Variants in PXYLP1 observed in about 807,000 individuals in gnomAD.
PXYLP1 encodes the protein 2-phosphoxylose phosphatase 1.
In PXYLP1, 17 loss-of-function variants were observed where a neutral mutation model predicts 37.9. That is an observed-to-expected ratio of 0.45 (90% CI 0.31 to 0.67). PXYLP1 has a LOEUF of 0.67. Among genes scored for constraint, PXYLP1 ranks in the 30% least tolerant of loss-of-function variants. The pLI, the probability that PXYLP1 is intolerant of heterozygous loss-of-function variation, is 0.07. For missense variants in PXYLP1, 511 were observed against 612.0 expected (o/e 0.84, Z 1.74); for synonymous variants, 221 against 232.2 (o/e 0.95, Z 0.44).
At chr3:141,233,251 A>G (rs371812371) in intron 1 of PXYLP1, among the ~76,000 whole-genome samples, 21 of 152,254 alleles carry the variant, frequency 1.4e-4, no homozygotes, top group East Asian at 1.4e-3. Flanking sequence ...GCGGATCACC[A>G]GAGGTCGGGA....
At chr3:141,272,870 C>T (rs1242419217) in intron 2 of PXYLP1, 8 of 664,104 alleles carry the variant, frequency 1.2e-5, no homozygotes, top group Non-Finnish European at 1.5e-5. Flanking sequence ...TTTCCCAGCC[C>T]ACTGACTCAA....
intron 2 of PXYLP1, among the ~76,000 whole-genome samples, chr3:141,270,391 G>A (rs1304382447): frequency 6.6e-6 from 1 of 152,236 alleles, no homozygotes; most frequent in Admixed American, 6.5e-5. Context: ...ACGATGAGAG[G>A]CAGATAACAA....
intron 4 of PXYLP1, among the ~76,000 whole-genome samples, chr3:141,283,028 A>G (rs1423153687): frequency 6.6e-6 from 1 of 151,844 alleles, no homozygotes; most frequent in Non-Finnish European, 1.5e-5. Flanking sequence ...GTGCAATGGC[A>G]TGAACTTGGC....
At chr3:141,256,367 A>G (rs1941262625) in intron 1 of PXYLP1, among the ~76,000 whole-genome samples, 1 of 152,180 alleles carries the variant, frequency 6.6e-6, no homozygotes, top group Non-Finnish European at 1.5e-5. Flanking sequence ...TAGGAATTGA[A>G]CACAGATCTG....
chr3:141,267,245 T>G (rs1053896687), intron 2 of PXYLP1: 1 of 152,190 alleles, frequency 6.6e-6, no homozygotes, highest in African/African-American at 2.4e-5. Context: ...TGTTTGAATG[T>G]GGGGATGCGT....
intron 1 of PXYLP1, among the ~76,000 whole-genome samples, chr3:141,244,820 C>T (rs1940897351): frequency 6.6e-6 from 1 of 151,678 alleles, no homozygotes. Context: ...GGCGGTAACA[C>T]TTTTGTAGGA....
At chr3:141,249,158 AC>A (rs1480590964) in intron 1 of PXYLP1, among the ~76,000 whole-genome samples, 1 of 152,214 alleles carries the variant, frequency 6.6e-6, no homozygotes, top group Non-Finnish European at 1.5e-5. Context: ...GCCCACTGGC[AC>A]TGGCAGTGAT....
chr3:141,254,257 T>A (rs1052868905), intron 1 of PXYLP1, among the ~76,000 whole-genome samples: 14 of 152,184 alleles, frequency 9.2e-5, no homozygotes, highest in Admixed American at 8.5e-4. Context: ...GTATCGTTTC[T>A]CCCATAAATA....
At chr3:141,264,850 A>G (rs1289719088) in intron 2 of PXYLP1, among the ~76,000 whole-genome samples, 1 of 152,270 alleles carries the variant, frequency 6.6e-6, no homozygotes, top group African/African-American at 2.4e-5. Flanking sequence ...CAAAGGATTC[A>G]GCAAACTAAT....
intron 4 of PXYLP1, among the ~76,000 whole-genome samples, chr3:141,286,005 C>T (rs937446676): frequency 1.3e-5 from 2 of 151,960 alleles, no homozygotes; most frequent in Non-Finnish European, 2.9e-5. Context: ...CCCATTTTGG[C>T]AGCCATTTTT....
At chr3:141,265,332 C>T (rs1171033762) in intron 2 of PXYLP1, among the ~76,000 whole-genome samples, 12 of 140,120 alleles carry the variant, frequency 8.6e-5, no homozygotes, top group Non-Finnish European at 1.8e-4. Context: ...AATGCATGTT[C>T]CAAAACCAAA....
chr3:141,249,093 C>A (rs1216030615), intron 1 of PXYLP1, among the ~76,000 whole-genome samples: 3 of 151,870 alleles, frequency 2.0e-5, no homozygotes, highest in Non-Finnish European at 4.4e-5. Context: ...TGTCAACCTC[C>A]TACTAAGTGA....
In PXYLP1 at chr3:141,260,203, C is replaced by T; in HGVS notation, c.28C>T (p.Leu10=). The T allele has an allele frequency of 6.2e-7, 1 of 1,613,802 alleles. No individual in the cohort carries two copies. Residue 10 remains leucine (L), a synonymous_variant, in exon 2 of 6, where the codon CTG becomes TTG. Coordinates refer to ENST00000286353, the MANE Select transcript of PXYLP1 (RefSeq NM_001037172.3). MLFRNRFLL[L]LALAALLAFV... is the part of the protein sequence containing the mutation. Reference sequence around the variant, plus strand: ...GCTTTTCCGCAACCGCTTCTTGCTGCTGCTGGCCCTGGCTGCGCTGCTGGC... The same window carrying T: ...GCTTTTCCGCAACCGCTTCTTGCTGTTGCTGGCCCTGGCTGCGCTGCTGGC...
chr3:141,273,555 GT>G (rs764076987), intron 2 of PXYLP1: 14 of 985,384 alleles, frequency 1.4e-5, no homozygotes, highest in Non-Finnish European at 1.7e-5. Flanking sequence ...GCATCTGGTT[GT>G]TTTACTCATG....
At chr3:141,271,295 G>T (rs942190083) in intron 2 of PXYLP1, among the ~76,000 whole-genome samples, 7 of 152,110 alleles carry the variant, frequency 4.6e-5, no homozygotes, top group African/African-American at 1.7e-4. Flanking sequence ...GCAGCCCCCA[G>T]CCCCAGGCTA....
At chr3:141,260,045 C>T in intron 1 of PXYLP1, 78 bp from the exon 2 acceptor site, 3 of 997,290 alleles carry the variant, frequency 3.0e-6, no homozygotes, top group Non-Finnish European at 4.5e-6. Flanking sequence ...TATCAGTTGA[C>T]AAGTTTGGTT....
intron 2 of PXYLP1, among the ~76,000 whole-genome samples, chr3:141,276,830 A>T (rs972582296): frequency 6.6e-6 from 1 of 152,252 alleles, no homozygotes. Flanking sequence ...TCATTAAAAC[A>T]TGATTTTCCA....
At chr3:141,287,772 T>A (rs1291559356) in intron 5 of PXYLP1, among the ~76,000 whole-genome samples, 1 of 152,348 alleles carries the variant, frequency 6.6e-6, no homozygotes, top group East Asian at 1.9e-4. Flanking sequence ...CTTCCTGTGC[T>A]TATGCACACA....
In PXYLP1 at chr3:141,274,568, G is replaced by C. The variant is rs566077613; in HGVS notation, c.80-3774G>C. On this transcript the variant is annotated intron_variant, in intron 2 of 5. Transcript: ENST00000286353. ...CAACCCTCAGTGCTCCACATGAGGA[G>C]TCAATGAGATATTTCATCAAAAGCA... 1.7e-5 allele frequency: 17 copies of C among 1,028,308 alleles called. No homozygotes were observed. In the East Asian group the frequency reaches 1.8e-4, roughly 11 times the overall value. The allele number at this position is 1,028,308 out of a possible 1,614,324, so 63.7% of individuals were successfully genotyped here.
Sources: gnomAD v4.1 joint callset for allele counts (sites outside exome capture counted in the v4.1 genomes callset) on GRCh38, gnomAD v4.1.1 for gene constraint, MANE v1.5 for transcripts, NCBI Gene and HGNC (gene_info 2026-07-23, HGNC 2026-07-21) for gene names.